CDIN1: variants seen among roughly 807,000 people sequenced by gnomAD.
CDIN1 encodes the protein CDAN1 interacting nuclease 1.
Under a neutral mutation model 45.3 loss-of-function variants are expected in CDIN1, and 33 were observed. The ratio of observed to expected loss-of-function variants is 0.73; its 90% CI spans 0.55 to 0.97. CDIN1 has a LOEUF of 0.97. Ranked by LOEUF, CDIN1 falls within the 50% of genes least tolerant of loss-of-function variation. CDIN1 has a pLI of 0.00. For synonymous variants in CDIN1, 118 were observed against 124.4 expected, an observed-to-expected ratio of 0.95 and a Z score of 0.34; for missense variants, 303 against 339.4, an observed-to-expected ratio of 0.89 and a Z score of 0.84.
intron 5 of CDIN1, among the ~76,000 whole-genome samples, chr15:36,659,614 G>C (rs1208498330): frequency 1.3e-5 from 2 of 150,340 alleles, no homozygotes; most frequent in Admixed American, 6.6e-5. Context: ...TTGTTACAGA[G>C]TCAGGTTTTG....
intron 10 of CDIN1, among the ~76,000 whole-genome samples, chr15:36,807,383 C>T (rs2055264509): frequency 6.6e-6 from 1 of 152,180 alleles, no homozygotes; most frequent in Non-Finnish European, 1.5e-5. Flanking sequence ...AAAATTCCTG[C>T]AACACTACAC....
At chr15:36,602,704 G>C (rs1003371890) in intron 1 of CDIN1, among the ~76,000 whole-genome samples, 1 of 152,188 alleles carries the variant, frequency 6.6e-6, no homozygotes, top group African/African-American at 2.4e-5. Context: ...TGGGCGCAGT[G>C]GCTCACGCCT....
At position 36,637,981 on chromosome 15, in the gene CDIN1, C is replaced by T. The variant is rs972000335; in HGVS notation, c.102-6297C>T. ...AGGGAAGGAGGGTAGTGATTGGATGCGTTATCTTTTGGGGTGCTGGCAGTG... is the reference window on the plus strand; with the variant it reads ...AGGGAAGGAGGGTAGTGATTGGATGTGTTATCTTTTGGGGTGCTGGCAGTG... On this transcript the variant is annotated intron_variant, in intron 1 of 10. Transcript: ENST00000566621. Among the ~76,000 whole-genome samples the T allele has an allele frequency of 6.6e-5, 10 of 151,910 alleles. No individual in the cohort carries two copies. In the South Asian group the frequency reaches 1.7e-3, roughly 25 times the overall value.
chr15:36,674,822 A>G (rs1312448747), intron 5 of CDIN1, among the ~76,000 whole-genome samples: 1 of 152,102 alleles, frequency 6.6e-6, no homozygotes, highest in African/African-American at 2.4e-5. Flanking sequence ...GTTTGTCATG[A>G]GGCGTCCTAA....
intron 10 of CDIN1, chr15:36,734,385 C>T (rs2043941650): frequency 2.4e-6 from 1 of 413,808 alleles, no homozygotes; most frequent in South Asian, 1.7e-5. Flanking sequence ...TCCCTAGTTA[C>T]TTTAACTTTT....
At chr15:36,702,415 A>G (rs1224971792) in intron 8 of CDIN1, among the ~76,000 whole-genome samples, 2 of 152,042 alleles carry the variant, frequency 1.3e-5, no homozygotes, top group East Asian at 1.9e-4. Flanking sequence ...TGCTTTCTGG[A>G]TGTTTGTTTT....
chr15:36,638,510 C>T (rs993525921), intron 1 of CDIN1, among the ~76,000 whole-genome samples: 8 of 152,096 alleles, frequency 5.3e-5, no homozygotes, highest in Non-Finnish European at 8.8e-5. Context: ...AACATTTGAG[C>T]AGAAGACATA....
At chr15:36,693,972 G>A (rs1048259212) in intron 7 of CDIN1, among the ~76,000 whole-genome samples, 6 of 152,116 alleles carry the variant, frequency 3.9e-5, no homozygotes, top group African/African-American at 1.2e-4. Flanking sequence ...AGATAATGAC[G>A]TATGTCTATA....
chr15:36,739,804 A>G (rs1160610946), intron 10 of CDIN1, among the ~76,000 whole-genome samples: 3 of 152,218 alleles, frequency 2.0e-5, no homozygotes, highest in African/African-American at 7.2e-5. Flanking sequence ...TACAAAAACC[A>G]TGTTATTGAA....
chr15:36,767,127 G>A (rs988052933), intron 10 of CDIN1, among the ~76,000 whole-genome samples: 3 of 151,802 alleles, frequency 2.0e-5, no homozygotes, highest in African/African-American at 4.8e-5. Context: ...GTAAGATAAG[G>A]GTCCAATTTT....
At position 36,697,424 on chromosome 15, in the gene CDIN1, T is replaced by C. The variant is rs2042473193; in HGVS notation, c.544+34T>C. 3.9e-6 allele frequency: 6 copies of C among 1,530,760 alleles called. 1 individual carries two copies. In the Admixed American group the frequency reaches 1.1e-4, roughly 29 times the overall value. The allele number at this position is 1,530,760 out of a possible 1,614,324, so 94.8% of individuals were successfully genotyped here. A position where few individuals can be genotyped will look rare whatever the true frequency, so the allele number is the denominator to read the frequency against. On this transcript the variant is annotated intron_variant, in intron 8 of 10. Transcript: ENST00000566621. ...TATTCACATCTTCTCTAGCTTGTGT[T>C]GTCTCCCTGAGTGCTTAAATATATA... is the stretch of plus-strand genomic sequence containing the variant.
intron 1 of CDIN1, chr15:36,591,727 G>A (rs541999407): frequency 3.5e-4 from 54 of 152,160 alleles, no homozygotes; most frequent in Non-Finnish European, 6.9e-4. Flanking sequence ...AAGCAAGCCG[G>A]TGTTGGATCG....
chr15:36,681,108 AAAGTATAT>A (rs1218339440), intron 5 of CDIN1, among the ~76,000 whole-genome samples: 2 of 152,178 alleles, frequency 1.3e-5, no homozygotes. Context: ...ACTATAAGAC[AAAGTATAT>A]AAAGTATAAA....
At chr15:36,804,532 AG>A (rs1356635746) in intron 10 of CDIN1, 1 of 152,106 alleles carries the variant, frequency 6.6e-6, no homozygotes, top group Non-Finnish European at 1.5e-5. Flanking sequence ...TACCCTCAAC[AG>A]GGTCCCAATA....
chr15:36,672,202 ATTC>A (rs2041477079), intron 5 of CDIN1, among the ~76,000 whole-genome samples: 1 of 151,740 alleles, frequency 6.6e-6, no homozygotes, highest in African/African-American at 2.4e-5. Context: ...TTTTTACTGT[ATTC>A]TTTTTCTATG....
intron 10 of CDIN1, among the ~76,000 whole-genome samples, chr15:36,722,321 C>CTG (rs2043451561): frequency 6.6e-6 from 1 of 151,706 alleles, no homozygotes; most frequent in Non-Finnish European, 1.5e-5. Flanking sequence ...CTCTCTCTCT[C>CTG]TCTCTCTCTC....
chr15:36,752,159 G>A (rs76515896), intron 10 of CDIN1, among the ~76,000 whole-genome samples: 5,684 of 152,220 alleles, frequency 0.037, 373 homozygotes, highest in African/African-American at 0.13. Context: ...CGAAATAAAA[G>A]TTGATGAATA....
chr15:36,631,987 C>T (rs756485206), intron 1 of CDIN1, among the ~76,000 whole-genome samples: 60 of 151,972 alleles, frequency 3.9e-4, no homozygotes, highest in South Asian at 6.2e-4. Flanking sequence ...TGCACCACCA[C>T]GCCCAGCTAG....
intron 10 of CDIN1, among the ~76,000 whole-genome samples, chr15:36,790,535 T>C (rs1420821360): frequency 6.6e-6 from 1 of 152,180 alleles, no homozygotes; most frequent in Admixed American, 6.5e-5. Context: ...GCCTTAATTG[T>C]TCCCAACACA....
Sources: allele counts gnomAD v4.1 joint callset (sites outside exome capture counted in the v4.1 genomes callset), GRCh38; gene constraint gnomAD v4.1.1; transcripts MANE v1.5; gene names NCBI Gene and HGNC (gene_info 2026-07-23, HGNC 2026-07-21).